GTPBP4: variants seen among roughly 807,000 people sequenced by gnomAD.
GTPBP4 encodes the protein GTP binding protein 4, also known as GTP-binding protein 4.
In GTPBP4, 15 loss-of-function variants were observed where a neutral mutation model predicts 81.7. The observed-to-expected ratio is 0.18, with a 90% confidence interval of 0.12 to 0.28. The LOEUF (loss-of-function observed/expected upper bound fraction) is 0.28, where lower values mean the gene tolerates loss of function less well. Among genes scored for constraint, GTPBP4 ranks in the 10% least tolerant of loss-of-function variants. GTPBP4 has a pLI of 1.00. For missense variants in GTPBP4, 847 were observed against 793.8 expected (o/e 1.07, Z -0.81); for synonymous variants, 272 against 274.6 (o/e 0.99, Z 0.09).
At position 1,015,913 on chromosome 10, in the gene GTPBP4, T is replaced by G. The variant is rs535470744; in HGVS notation, c.1752+17T>G. ...GATGTCAAGGTCAGTCTCTGTGTTG[T>G]GTAATGTAATAAAATGACAGTCTCT... On this transcript the variant is annotated intron_variant, in intron 16 of 16. Coordinates refer to ENST00000360803, the MANE Select transcript of GTPBP4 (RefSeq NM_012341.3). 57 of 1,592,726 alleles carry G rather than the reference T, an allele frequency of 3.6e-5. 1 individual carries two copies. The African/African-American group carries it at 4.4e-4, about 12-fold the overall frequency.
At position 1,000,613 on chromosome 10, in the gene GTPBP4, G is replaced by C. The variant is rs189482642; in HGVS notation, c.655-64G>C. On this transcript the variant is annotated intron_variant, in intron 6 of 16. Transcript: ENST00000360803. The stretch of plus-strand genomic sequence containing the variant: ...GTTGGGTGTGTGTGAGTGACTTCTG[G>C]GATGTGCTGGACAAGAAGCTTGTGG... 33 of 920,500 alleles carry C rather than the reference G, an allele frequency of 3.6e-5. No individual in the cohort carries two copies. In the Admixed American group the frequency reaches 1.0e-3, roughly 29 times the overall value. 57.0% of individuals were successfully genotyped at this position (920,500 alleles called of 1,614,324 possible).
At position 996,038 on chromosome 10, in the gene GTPBP4, G is replaced by T; in HGVS notation, c.323+6G>T. ...GCCAAAAATTTAGTGGACAAGTAAG[G>T]TACTTTTTTCTGTAGTGTCTTTTAA... is the stretch of plus-strand genomic sequence containing the variant. On this transcript the variant is annotated splice_donor_region_variant and intron_variant, in intron 3 of 16. Transcript: ENST00000360803. 1 of 1,595,876 alleles carries T rather than the reference G, an allele frequency of 6.3e-7. No individual in the cohort carries two copies. Among genetic ancestry groups the T allele is most frequent in the Non-Finnish European group, 8.6e-7 (1 of 1,163,780 alleles).
In GTPBP4 at chr10:1,004,068, G is replaced by A. The variant is rs1043445847; in HGVS notation, c.913-1750G>A. On this transcript the variant is annotated intron_variant, in intron 8 of 16. Transcript: ENST00000360803. The stretch of plus-strand genomic sequence containing the variant: ...TGGGGTCAGGGCACAGTCCTGGCCT[G>A]ACTCCAGGGAAGACGCACTCTGGAG... 3.3e-5 allele frequency among the ~76,000 whole-genome samples: 5 copies of A among 152,266 alleles called. No individual in the cohort carries two copies. The East Asian group carries it at 5.8e-4, about 18-fold the overall frequency.
At chr10:1,007,453 G>T (rs1443797313) in intron 10 of GTPBP4, 1 of 228,740 alleles carries the variant, frequency 4.4e-6, no homozygotes, top group African/African-American at 2.3e-5. Context: ...TCATTTTTTT[G>T]GCTGGGGGAA....
intron 2 of GTPBP4, among the ~76,000 whole-genome samples, chr10:994,505 A>G (rs1327384625): frequency 6.6e-6 from 1 of 152,104 alleles, no homozygotes; most frequent in Non-Finnish European, 1.5e-5. Context: ...TCCTGACCTC[A>G]GGTGATCCGC....
intron 13 of GTPBP4, among the ~76,000 whole-genome samples, chr10:1,011,652 C>T (rs1477284638): frequency 6.6e-6 from 1 of 152,260 alleles, no homozygotes; most frequent in Non-Finnish European, 1.5e-5. Flanking sequence ...CTCGTGGTCT[C>T]TGTGCTCCCT....
intron 10 of GTPBP4, among the ~76,000 whole-genome samples, chr10:1,008,637 C>G (rs933429500): frequency 2.0e-5 from 3 of 152,176 alleles, no homozygotes; most frequent in Admixed American, 6.5e-5. Flanking sequence ...TTACCACTTT[C>G]TTCTTCCATA....
intron 1 of GTPBP4, 32 bp from the exon 2 acceptor site, chr10:992,457 A>G: frequency 7.7e-7 from 1 of 1,294,308 alleles, no homozygotes; most frequent in Non-Finnish European, 1.1e-6. Context: ...GACCCTTTTG[A>G]TGTAATTATG....
At chr10:992,963 G>C (rs994360543) in intron 2 of GTPBP4, among the ~76,000 whole-genome samples, 7 of 152,176 alleles carry the variant, frequency 4.6e-5, no homozygotes, top group Non-Finnish European at 7.3e-5. Context: ...AAGTGTTAAT[G>C]ATAGCTGTGG....
intron 13 of GTPBP4, among the ~76,000 whole-genome samples, chr10:1,011,850 T>G (rs932533564): frequency 6.6e-6 from 1 of 152,186 alleles, no homozygotes; most frequent in Non-Finnish European, 1.5e-5. Flanking sequence ...GTGCGCGCTC[T>G]TGGGCGCAAG....
rs1832061584 is a variant in GTPBP4, at chr10:1,019,891, A to G, written c.*2664A>G. ...CGCTAATGTAAAACACAGAATTTACAGAAAAATAGAGAAAATAAACACATT... is the reference window on the plus strand; with the variant it reads ...CGCTAATGTAAAACACAGAATTTACGGAAAAATAGAGAAAATAAACACATT... On this transcript the variant is annotated 3_prime_UTR_variant, in exon 17 of 17. Coordinates refer to ENST00000360803, the MANE Select transcript of GTPBP4 (RefSeq NM_012341.3). 8.6e-7 allele frequency: 1 copy of G among 1,167,618 alleles called. No individual in the cohort carries two copies. Among genetic ancestry groups the G allele is most frequent in the Non-Finnish European group, 1.3e-6 (1 of 795,468 alleles). The allele number at this position is 1,167,618 out of a possible 1,614,324, so 72.3% of individuals were successfully genotyped here.
At chr10:990,196 CTTCTG>C (rs542068428) in intron 1 of GTPBP4, among the ~76,000 whole-genome samples, 65 of 152,140 alleles carry the variant, frequency 4.3e-4, no homozygotes, top group South Asian at 1.7e-3. Context: ...CACCATCCGT[CTTCTG>C]TTCTGTGGAG....
intron 2 of GTPBP4, among the ~76,000 whole-genome samples, chr10:993,242 T>A (rs942846009): frequency 2.0e-5 from 3 of 152,190 alleles, no homozygotes; most frequent in African/African-American, 7.2e-5. Context: ...CATTGCAGTT[T>A]GCCTGTTTCT....
intron 5 of GTPBP4, 49 bp from the exon 6 acceptor site, chr10:998,954 G>A (rs765719251): frequency 1.1e-5 from 11 of 982,470 alleles, no homozygotes; most frequent in South Asian, 2.5e-5. Flanking sequence ...CAGATCCCAC[G>A]TGTACACAGA....
chr10:1,015,974 CA>C, intron 16 of GTPBP4, 78 bp downstream of exon 16: 1 of 1,297,032 alleles, frequency 7.7e-7, no homozygotes, highest in Non-Finnish European at 1.1e-6. Flanking sequence ...CAAACACCAG[CA>C]GTTGCCATTT....
chr10:990,106 G>A (rs1589020882), intron 1 of GTPBP4, among the ~76,000 whole-genome samples: 1 of 152,186 alleles, frequency 6.6e-6, no homozygotes, highest in East Asian at 1.9e-4. Context: ...TCTCAGGTTT[G>A]TTGAAGGAAT....
intron 1 of GTPBP4, among the ~76,000 whole-genome samples, chr10:990,989 CT>C (rs1831432324): frequency 6.6e-6 from 1 of 151,898 alleles, no homozygotes; most frequent in South Asian, 2.1e-4. Context: ...GTGTGTGCCC[CT>C]CATAGTACTT....
In GTPBP4 at chr10:998,708, C is replaced by T. The variant is rs544479828; in HGVS notation, c.562-295C>T. On this transcript the variant is annotated intron_variant, in intron 5 of 16. Coordinates refer to ENST00000360803, the MANE Select transcript of GTPBP4 (RefSeq NM_012341.3). ...CCCGGTTTGGACAGTGCAGACAGAA[C>T]ATGCCTGTCATCATAAAGAGCTCTG... 4.6e-5 allele frequency among the ~76,000 whole-genome samples: 7 copies of T among 152,356 alleles called. No homozygotes were observed. In the South Asian group the frequency reaches 1.0e-3, roughly 23 times the overall value.
intron 2 of GTPBP4, among the ~76,000 whole-genome samples, chr10:994,052 C>T (rs1589022872): frequency 6.6e-6 from 1 of 152,066 alleles, no homozygotes; most frequent in Non-Finnish European, 1.5e-5. Flanking sequence ...AGCCACTGCA[C>T]CTGTCCAATA....
Sources: allele counts gnomAD v4.1 joint callset (sites outside exome capture counted in the v4.1 genomes callset), GRCh38; gene constraint gnomAD v4.1.1; transcripts MANE v1.5; gene names NCBI Gene and HGNC (gene_info 2026-07-23, HGNC 2026-07-21).